CNTNAP3: variants seen among roughly 807,000 people sequenced by gnomAD.
CNTNAP3 encodes contactin associated protein family member 3.
A neutral mutation model predicts 92.1 loss-of-function variants in CNTNAP3; 36 were observed. The ratio of observed to expected loss-of-function variants is 0.39; its 90% CI spans 0.30 to 0.52. The LOEUF is 0.52. Ranked by LOEUF, CNTNAP3 falls within the 20% of genes least tolerant of loss-of-function variation. The pLI is 0.76. For synonymous variants in CNTNAP3, 232 were observed against 422.3 expected, an observed-to-expected ratio of 0.55 and a Z score of 5.53; for missense variants, 534 against 1,069.6, an observed-to-expected ratio of 0.50 and a Z score of 6.98.
chr9:39,117,415 C>A (rs1379520066), intron 14 of CNTNAP3, among the ~76,000 whole-genome samples: 1 of 151,922 alleles, frequency 6.6e-6, no homozygotes, highest in Non-Finnish European at 1.5e-5. Context: ...AAAAGAAAAC[C>A]AATATGCATT....
chr9:39,137,031 A>G (rs1821453886), intron 12 of CNTNAP3, among the ~76,000 whole-genome samples: 1 of 151,434 alleles, frequency 6.6e-6, no homozygotes, highest in Admixed American at 6.6e-5. Flanking sequence ...GTCTGATACT[A>G]ATTTGTGGGA....
At chr9:39,122,866 G>A (rs1821064508) in intron 13 of CNTNAP3, among the ~76,000 whole-genome samples, 1 of 151,960 alleles carries the variant, frequency 6.6e-6, no homozygotes, top group Non-Finnish European at 1.5e-5. Flanking sequence ...GAAGAGATAG[G>A]TACTATAAAC....
chr9:39,132,350 C>T (rs1821313373), intron 13 of CNTNAP3, among the ~76,000 whole-genome samples: 1 of 152,056 alleles, frequency 6.6e-6, no homozygotes, highest in African/African-American at 2.4e-5. Flanking sequence ...GTTTCCAAAA[C>T]ATTACTTCCA....
chr9:39,127,537 A>G (rs1821179513), intron 13 of CNTNAP3, among the ~76,000 whole-genome samples: 1 of 152,194 alleles, frequency 6.6e-6, no homozygotes, highest in Non-Finnish European at 1.5e-5. Flanking sequence ...ACTGACAGAG[A>G]CAAAAACAGA....
At chr9:39,114,255 T>C (rs1448571703) in intron 14 of CNTNAP3, among the ~76,000 whole-genome samples, 1 of 151,872 alleles carries the variant, frequency 6.6e-6, no homozygotes, top group Non-Finnish European at 1.5e-5. Flanking sequence ...GCTAATATTT[T>C]TTGTATTTTT....
intron 12 of CNTNAP3, among the ~76,000 whole-genome samples, chr9:39,139,542 T>G (rs539453548): frequency 6.6e-6 from 1 of 152,332 alleles, no homozygotes; most frequent in Non-Finnish European, 1.5e-5. Flanking sequence ...TCCTTGATGC[T>G]TGCTGACCCA....
chr9:39,117,375 G>A (rs1209229395), intron 14 of CNTNAP3, among the ~76,000 whole-genome samples: 3 of 151,832 alleles, frequency 2.0e-5, no homozygotes, highest in South Asian at 4.1e-4. Flanking sequence ...GAACCCAAAG[G>A]TTGAAAACAT....
chr9:39,124,365 G>GA (rs1360410193), intron 13 of CNTNAP3, among the ~76,000 whole-genome samples: 1 of 151,866 alleles, frequency 6.6e-6, no homozygotes, highest in South Asian at 2.1e-4. Flanking sequence ...GGGAATTCAG[G>GA]AAAAAAAGAA....
intron 10 of CNTNAP3, among the ~76,000 whole-genome samples, chr9:39,147,268 T>C (rs1226522283): frequency 6.6e-6 from 1 of 150,912 alleles, no homozygotes; most frequent in East Asian, 1.9e-4. Context: ...AATTAGATTT[T>C]TGTTTGTTTG....
chr9:39,085,977 T>C (rs1826054120), intron 20 of CNTNAP3, 154 bp from the exon 21 acceptor site: 1 of 766,080 alleles, frequency 1.3e-6, no homozygotes, highest in South Asian at 1.7e-5. Context: ...ATTAATCATT[T>C]AGAAAGAGAA....
chr9:39,136,462 G>GGTTTT (rs532448766), intron 12 of CNTNAP3, among the ~76,000 whole-genome samples: 2,733 of 152,106 alleles, frequency 0.018, 44 homozygotes, highest in Non-Finnish European at 0.03. Context: ...TCAAGGAGAA[G>GGTTTT]GTTTTGTTTT....
Position 39,118,245 on chromosome 9 carries a change from T to G in CNTNAP3, c.2095A>C (p.Ser699Arg), listed in dbSNP as rs1183169690. 1 of 1,612,218 alleles carries G rather than the reference T, an allele frequency of 6.2e-7. No homozygotes were observed. The highest frequency in any genetic ancestry group is 8.5e-7 in the Non-Finnish European group (1 of 1,179,554). The change falls in exon 14 of 24, where the codon AGC becomes CGC. Residue 699 changes from serine to arginine, a missense_variant. Physicochemically the swap from Ser to Arg is moderately radical, Grantham distance 110. Transcript: ENST00000297668. ...RPDSRDGTPL[S>R]WWVGRTNETH... ...TCATTGGTTCTTCCAACCCACCAGC[T>G]CAGTGGGGTTCCATCTGAAAGACAA...
chr9:39,141,526 TC>T (rs1821575232), intron 11 of CNTNAP3, among the ~76,000 whole-genome samples: 1 of 152,172 alleles, frequency 6.6e-6, no homozygotes. Context: ...TTGAAAGATA[TC>T]CCTATATAAT....
At position 39,123,310 on chromosome 9, in the gene CNTNAP3, G is replaced by A. The variant is rs563130000; in HGVS notation, c.2081-5051C>T. Among the ~76,000 whole-genome samples the A allele has an allele frequency of 3.0e-3, 462 of 151,938 alleles. 4 individuals are homozygous for A. Among genetic ancestry groups the A allele is most frequent in the African/African-American group, 0.011 (448 of 41,434 alleles). On this transcript the variant is annotated intron_variant, in intron 13 of 23. Transcript: ENST00000297668. ...GTGGTTTCCCCGTGGTAGCCAGGAT[G>A]GTCTGGATCTCCTGAACTTGTGATC...
In CNTNAP3 at chr9:39,068,654, T is replaced by C. The variant is rs1474835955; in HGVS notation, c.*5236A>G. 1.5e-3 allele frequency among the ~76,000 whole-genome samples: 224 copies of C among 148,592 alleles called. No homozygotes were observed. The highest frequency in any genetic ancestry group is 5.5e-3 in the African/African-American group (210 of 38,160). ...CAAAGTTTTCTCCAATGCAGCTCTTTCCTCGCCGGTACTCTATCCTGCAAT... is the reference window on the plus strand; with the variant it reads ...CAAAGTTTTCTCCAATGCAGCTCTTCCCTCGCCGGTACTCTATCCTGCAAT... On this transcript the variant is annotated 3_prime_UTR_variant, in exon 24 of 24. Transcript: ENST00000297668.
At position 39,066,770 on chromosome 9, in the gene CNTNAP3, A is replaced by G. The variant is rs1318170383; in HGVS notation, c.*7120T>C. Among the ~76,000 whole-genome samples, 2 of 152,414 alleles carry G rather than the reference A, an allele frequency of 1.3e-5. No homozygotes were observed. The highest frequency in any genetic ancestry group is 1.9e-4 in the East Asian group (1 of 5,196). On this transcript the variant is annotated 3_prime_UTR_variant, in exon 24 of 24. Coordinates refer to ENST00000297668, the MANE Select transcript of CNTNAP3 (RefSeq NM_033655.5). ...TCCTTGTTTTTCTTCTCTGTGTAAG[A>G]CTTGTCTTTTTCTCTTTACCACACT...
At chr9:39,114,053 C>T (rs2117938365) in intron 14 of CNTNAP3, among the ~76,000 whole-genome samples, 2 of 147,910 alleles carry the variant, frequency 1.4e-5, no homozygotes, top group African/African-American at 5.2e-5. Flanking sequence ...CACACACACA[C>T]ACATATATAT....
At chr9:39,135,999 C>T (rs1048763214) in intron 12 of CNTNAP3, among the ~76,000 whole-genome samples, 2 of 151,664 alleles carry the variant, frequency 1.3e-5, no homozygotes, top group Non-Finnish European at 1.5e-5. Context: ...CGTGGTGGCA[C>T]GTGCCTGTAG....
chr9:39,106,175 A>T (rs1469547764), intron 15 of CNTNAP3, among the ~76,000 whole-genome samples: 5 of 152,234 alleles, frequency 3.3e-5, no homozygotes, highest in Non-Finnish European at 5.9e-5. Flanking sequence ...AGAATCAATA[A>T]GTGTTATGTT....
Sources: allele counts gnomAD v4.1 joint callset (sites outside exome capture counted in the v4.1 genomes callset), GRCh38; gene constraint gnomAD v4.1.1; transcripts MANE v1.5; gene names NCBI Gene and HGNC (gene_info 2026-07-23, HGNC 2026-07-21).